The following CTNND2 variants were observed in gnomAD, a reference collection of about 807,000 sequenced individuals.
The protein encoded by CTNND2 is catenin delta-2.
In CTNND2, 22 loss-of-function variants were observed where a neutral mutation model predicts 144.4. That is an observed-to-expected ratio of 0.15 (90% confidence interval 0.11 to 0.22). The LOEUF (loss-of-function observed/expected upper bound fraction) is 0.22. CTNND2 is among the 10% of genes least tolerant of loss of function. CTNND2 has a pLI of 1.00. For synonymous variants in CTNND2, 751 were observed against 695.6 expected, an observed-to-expected ratio of 1.08 and a Z score of -1.25; for missense variants, 1,353 against 1,618.8, an observed-to-expected ratio of 0.84 and a Z score of 2.82.
At chr5:11,609,880 C>T (rs1032892621) in intron 2 of CTNND2, among the ~76,000 whole-genome samples, 5 of 152,198 alleles carry the variant, frequency 3.3e-5, no homozygotes, top group Non-Finnish European at 7.3e-5. Context: ...CTTAGTCAGG[C>T]TCTACTAACC....
chr5:11,174,799 G>A (rs967140081), intron 11 of CTNND2, among the ~76,000 whole-genome samples: 1 of 152,162 alleles, frequency 6.6e-6, no homozygotes, highest in African/African-American at 2.4e-5. Context: ...CACGCAGAAC[G>A]GTGCAGCCTC....
chr5:11,436,723 G>T (rs919741997), intron 3 of CTNND2, among the ~76,000 whole-genome samples: 1 of 152,146 alleles, frequency 6.6e-6, no homozygotes, highest in Non-Finnish European at 1.5e-5. Context: ...TTTCACCCAG[G>T]ATATTTGCTG....
At chr5:11,002,360 T>G (rs959970220) in intron 18 of CTNND2, among the ~76,000 whole-genome samples, 2 of 152,234 alleles carry the variant, frequency 1.3e-5, no homozygotes, top group Admixed American at 6.5e-5. Context: ...CGCCTCCCTC[T>G]ATGAAGGGAC....
chr5:11,342,726 C>G (rs1754400225), intron 9 of CTNND2, among the ~76,000 whole-genome samples: 1 of 152,150 alleles, frequency 6.6e-6, no homozygotes, highest in Admixed American at 6.5e-5. Context: ...GTATATCAGT[C>G]TTGCTGTGTT....
intron 1 of CTNND2, among the ~76,000 whole-genome samples, chr5:11,882,362 C>G (rs1430186509): frequency 6.6e-6 from 1 of 151,992 alleles, no homozygotes; most frequent in African/African-American, 2.4e-5. Context: ...TCAGGTATTA[C>G]AGTTAAGTCT....
intron 2 of CTNND2, among the ~76,000 whole-genome samples, chr5:11,605,002 T>C (rs1026755089): frequency 6.6e-6 from 1 of 152,234 alleles, no homozygotes; most frequent in African/African-American, 2.4e-5. Context: ...GTTTTAGTTA[T>C]AGCACCAGGA....
intron 1 of CTNND2, among the ~76,000 whole-genome samples, chr5:11,886,543 A>G (rs922155076): frequency 3.2e-4 from 49 of 152,214 alleles, no homozygotes; most frequent in Admixed American, 3.1e-3. Context: ...ATTGTTTAGT[A>G]TAAGTGTGTC....
chr5:11,629,176 C>A (rs79054520), intron 2 of CTNND2, among the ~76,000 whole-genome samples: 1 of 152,048 alleles, frequency 6.6e-6, no homozygotes, highest in Non-Finnish European at 1.5e-5. Flanking sequence ...AATTTCCATG[C>A]CAATATTTTT....
intron 18 of CTNND2, among the ~76,000 whole-genome samples, chr5:11,012,214 A>G (rs1195792217): frequency 6.6e-6 from 1 of 152,070 alleles, no homozygotes; most frequent in Admixed American, 6.5e-5. Context: ...TGGCTTTCCC[A>G]TCATGGATGG....
chr5:11,142,622 T>C (rs181076492), intron 12 of CTNND2, among the ~76,000 whole-genome samples: 1 of 151,302 alleles, frequency 6.6e-6, no homozygotes, highest in Non-Finnish European at 1.5e-5. Flanking sequence ...TTTTTTTTTT[T>C]TTTTTGTTTG....
chr5:11,400,898 T>A (rs559689419), intron 5 of CTNND2, among the ~76,000 whole-genome samples: 1 of 152,348 alleles, frequency 6.6e-6, no homozygotes, highest in South Asian at 2.1e-4. Context: ...GTCCAAAAGT[T>A]GTTGTTGTTT....
chr5:11,052,555 C>T (rs774973269), intron 16 of CTNND2, among the ~76,000 whole-genome samples: 1 of 152,134 alleles, frequency 6.6e-6, no homozygotes, highest in East Asian at 1.9e-4. Flanking sequence ...ATTCCTGTTT[C>T]TACCAATCCT....
intron 3 of CTNND2, among the ~76,000 whole-genome samples, chr5:11,553,135 T>C (rs2530905): frequency 0.27 from 40,323 of 152,158 alleles, 6,038 homozygotes; most frequent in African/African-American, 0.41. Context: ...TTCCCTATTA[T>C]ACATATGTTA....
chr5:11,559,738 C>A (rs1776535280), intron 3 of CTNND2, among the ~76,000 whole-genome samples: 1 of 152,230 alleles, frequency 6.6e-6, no homozygotes, highest in South Asian at 2.1e-4. Context: ...TTGTCACCAT[C>A]TTTCTCCTTC....
chr5:11,685,892 A>G (rs1441274391), intron 2 of CTNND2, among the ~76,000 whole-genome samples: 1 of 152,208 alleles, frequency 6.6e-6, no homozygotes, highest in South Asian at 2.1e-4. Context: ...ATTCAAATCT[A>G]TCACATAAAT....
chr5:11,880,201 T>TA (rs1177306637), intron 1 of CTNND2, among the ~76,000 whole-genome samples: 1 of 152,118 alleles, frequency 6.6e-6, no homozygotes, highest in Non-Finnish European at 1.5e-5. Context: ...TGCTCATGTG[T>TA]AAGAGGGGCC....
At position 11,834,640 on chromosome 5, in the gene CTNND2, A is replaced by G. The variant is rs193125080; in HGVS notation, c.37+69177T>C. ...AGTAAAACTGAATACACAAACACCT[A>G]TATTCTGCAGGATCTTGGGTTGAAT... On this transcript the variant is annotated intron_variant, in intron 1 of 21. Transcript: ENST00000304623. Among the ~76,000 whole-genome samples the G allele has an allele frequency of 3.9e-5, 6 of 152,344 alleles. No individual in the cohort carries two copies. In the East Asian group the frequency reaches 1.2e-3, roughly 29 times the overall value.
chr5:11,670,575 G>A (rs1292496423), intron 2 of CTNND2, among the ~76,000 whole-genome samples: 3 of 152,054 alleles, frequency 2.0e-5, no homozygotes, highest in South Asian at 2.1e-4. Context: ...AGGATTGCAA[G>A]CTCTGCTTTC....
At chr5:11,682,397 A>T (rs576500661) in intron 2 of CTNND2, among the ~76,000 whole-genome samples, 1 of 152,338 alleles carries the variant, frequency 6.6e-6, no homozygotes, top group South Asian at 2.1e-4. Flanking sequence ...CAACTTATTC[A>T]GTAGCATTTG....
Sources: gnomAD v4.1 joint callset for allele counts (sites outside exome capture counted in the v4.1 genomes callset) on GRCh38, gnomAD v4.1.1 for gene constraint, MANE v1.5 for transcripts, NCBI Gene and HGNC (gene_info 2026-07-23, HGNC 2026-07-21) for gene names.